The following ERAP1 variants were observed in gnomAD, a reference collection of about 807,000 sequenced individuals.
ERAP1 encodes the protein adipocyte-derived leucine aminopeptidase.
In ERAP1, 86 loss-of-function variants were observed where a neutral mutation model predicts 103.7. The observed-to-expected ratio is 0.83, with a 90% CI of 0.70 to 0.99. ERAP1 has a LOEUF of 0.99. Among genes scored for constraint, ERAP1 ranks in the 50% least tolerant of loss-of-function variants. ERAP1 has a pLI of 0.00. For synonymous variants in ERAP1, 398 were observed against 402.4 expected (o/e 0.99, Z 0.13); for missense variants, 1,009 against 1,128.4 (o/e 0.89, Z 1.52).
the ERAP1 span, chr5:96,814,305 C>G: frequency 2.2e-6 from 1 of 456,238 alleles, no homozygotes; most frequent in African/African-American, 2.0e-5. Context: ...ACAGGTTTCT[C>G]TCACACTAAA....
the ERAP1 span, among the ~76,000 whole-genome samples, chr5:96,832,135 T>A: frequency 6.6e-6 from 1 of 152,160 alleles, no homozygotes; most frequent in Non-Finnish European, 1.5e-5. Context: ...GAGTCCTACC[T>A]AACATACCAA....
chr5:96,889,429 AT>A, the ERAP1 span: 1 of 1,103,426 alleles, frequency 9.1e-7, no homozygotes, highest in African/African-American at 1.5e-5. Context: ...TCAGGAAAAA[AT>A]AATTTGTTCC....
At chr5:96,830,249 A>G in the ERAP1 span, among the ~76,000 whole-genome samples, 1 of 152,202 alleles carries the variant, frequency 6.6e-6, no homozygotes, top group Non-Finnish European at 1.5e-5. Context: ...TTACATGATG[A>G]TTCGAGAGGG....
chr5:96,828,136 T>C, the ERAP1 span, among the ~76,000 whole-genome samples: 66 of 152,344 alleles, frequency 4.3e-4, no homozygotes, highest in South Asian at 4.6e-3. Flanking sequence ...ACAGAACCAT[T>C]GAAAACGTAG....
chr5:96,769,642 A>G (rs1742690908), downstream of ERAP1: 2 of 152,024 alleles, frequency 1.3e-5, no homozygotes, highest in South Asian at 4.1e-4. Flanking sequence ...ATACAATTTT[A>G]TTAACCTTAG....
chr5:96,892,298 G>A, the ERAP1 span: 1 of 1,613,622 alleles, frequency 6.2e-7, no homozygotes, highest in Non-Finnish European at 8.5e-7. Flanking sequence ...TTATTTCTTA[G>A]ATTTAATTGC....
Position 96,785,838 on chromosome 5 carries a change from G to A in ERAP1, c.1893C>T (p.Val631=), listed in dbSNP as rs766933448. Reference sequence around the variant, plus strand: ...TGAGACTCGCCCGATCATTACTGCTGACTGCTGTGTGTGTTCCTTTTAAAA... The same window carrying A: ...TGAGACTCGCCCGATCATTACTGCTAACTGCTGTGTGTGTTCCTTTTAAAA... ...TGLLKGTHTA[V]SSNDRASLIN... Residue 631 remains valine, a synonymous_variant, in exon 13 of 19, where the codon GTC becomes GTT. Transcript: ENST00000443439. 6.2e-7 allele frequency: 1 copy of A among 1,614,002 alleles called. No homozygotes were observed. Among genetic ancestry groups the A allele is most frequent in the African/African-American group, 1.3e-5 (1 of 74,894 alleles).
chr5:96,765,280 G>A (rs1238982102), intron 19 of ERAP1: 2 of 1,585,398 alleles, frequency 1.3e-6, no homozygotes, highest in South Asian at 1.1e-5. Flanking sequence ...TAGGACAAAG[G>A]CAGCCTGACC....
chr5:96,892,347 G>A, the ERAP1 span: 1 of 1,613,888 alleles, frequency 6.2e-7, no homozygotes, highest in Admixed American at 1.7e-5. Context: ...GAAAATTGGG[G>A]CCTCATTACA....
At chr5:96,879,982 C>T in the ERAP1 span, 1 of 1,614,164 alleles carries the variant, frequency 6.2e-7, no homozygotes, top group East Asian at 2.2e-5. Flanking sequence ...AGATCGAAGT[C>T]TTGGTCAGCA....
chr5:96,792,741 A>G (rs1006854708), intron 7 of ERAP1, among the ~76,000 whole-genome samples: 2 of 152,242 alleles, frequency 1.3e-5, no homozygotes. Flanking sequence ...TTATGTACAC[A>G]GGCAGATGAA....
chr5:96,889,172 C>G, the ERAP1 span: 1 of 1,613,452 alleles, frequency 6.2e-7, no homozygotes, highest in Non-Finnish European at 8.5e-7. Context: ...CTCTTCTGAT[C>G]CACATTTCCC....
the ERAP1 span, among the ~76,000 whole-genome samples, chr5:96,899,491 G>A: frequency 1.1e-4 from 17 of 152,178 alleles, no homozygotes; most frequent in Non-Finnish European, 1.9e-4. Context: ...ATCATTTAAA[G>A]GCATTTGAGA....
upstream of ERAP1, chr5:96,808,211 T>C (rs1173739482): frequency 2.3e-5 from 5 of 212,944 alleles, no homozygotes; most frequent in Admixed American, 3.0e-4. Flanking sequence ...TGTGTGTGTG[T>C]GTGTGTGTGT....
chr5:96,767,566 T>C, intron 19 of ERAP1: 3 of 937,408 alleles, frequency 3.2e-6, no homozygotes, highest in Non-Finnish European at 5.2e-6. Flanking sequence ...AACTAAAACA[T>C]ATTGAATGCC....
At chr5:96,896,696 TATCTCTTTTTTC>T in the ERAP1 span, 1 of 1,537,070 alleles carries the variant, frequency 6.5e-7, no homozygotes, top group Non-Finnish European at 8.7e-7. Context: ...CCATTTTCTT[TATCTCTTTTTTC>T]AACTCTTTTG....
At chr5:96,825,830 T>C in the ERAP1 span, among the ~76,000 whole-genome samples, 3 of 148,278 alleles carry the variant, frequency 2.0e-5, no homozygotes. Flanking sequence ...CATCATAAGA[T>C]GCCATCAATT....
At chr5:96,839,150 C>T in the ERAP1 span, among the ~76,000 whole-genome samples, 1 of 152,362 alleles carries the variant, frequency 6.6e-6, no homozygotes, top group African/African-American at 2.4e-5. Context: ...ACATCCCAAA[C>T]TCGAAGCTTC....
At chr5:96,891,825 C>G in the ERAP1 span, among the ~76,000 whole-genome samples, 1 of 151,892 alleles carries the variant, frequency 6.6e-6, no homozygotes, top group African/African-American at 2.4e-5. Context: ...AGAGATGGCT[C>G]CTAAGAGGTG....
Sources: allele counts gnomAD v4.1 joint callset (sites outside exome capture counted in the v4.1 genomes callset), GRCh38; gene constraint gnomAD v4.1.1; transcripts MANE v1.5; gene names NCBI Gene and HGNC (gene_info 2026-07-23, HGNC 2026-07-21).